MPND: variants seen among roughly 807,000 people sequenced by gnomAD.
MPND encodes MPN domain containing, also known as MPN domain-containing protein.
In MPND, 56 loss-of-function variants were observed where a neutral mutation model predicts 59.2. The observed-to-expected ratio is 0.95, with a 90% CI of 0.76 to 1.18. MPND has a LOEUF of 1.18. MPND is among the 50% of genes most tolerant of loss of function. MPND has a pLI of 0.00. For missense variants in MPND, 671 were observed against 676.0 expected (o/e 0.99, Z 0.08); for synonymous variants, 323 against 291.9 (o/e 1.11, Z -1.09).
In MPND at chr19:4,355,220, G is replaced by C. The variant is rs560027818; in HGVS notation, c.996+47G>C. ...GGCATTCTGGGGAGGGTTGGGAAGG[G>C]ACATAGCTGTCCTGGCGACTGCCCA... On this transcript the variant is annotated intron_variant, in intron 8 of 12. Coordinates refer to ENST00000599840, the MANE Select transcript of MPND (RefSeq NM_001300862.2). 3.1e-6 allele frequency: 5 copies of C among 1,596,480 alleles called. No individual in the cohort carries two copies. The South Asian group carries it at 3.3e-5, about 11-fold the overall frequency.
chr19:4,357,457 G>T, intron 9 of MPND, 36 bp downstream of exon 9: 1 of 1,609,788 alleles, frequency 6.2e-7, no homozygotes, highest in Non-Finnish European at 8.5e-7. Flanking sequence ...AGCAAGGAGG[G>T]GGGATGCTGG....
At chr19:4,347,521 G>A (rs1382744911) in intron 3 of MPND, among the ~76,000 whole-genome samples, 17 of 152,086 alleles carry the variant, frequency 1.1e-4, no homozygotes, top group Admixed American at 1.1e-3. Flanking sequence ...TTACAAGTGT[G>A]AGCCACCGCG....
chr19:4,357,001 C>T, intron 8 of MPND: 2 of 398,780 alleles, frequency 5.0e-6, no homozygotes, highest in Non-Finnish European at 4.4e-6. Flanking sequence ...AGCTGGGCTA[C>T]AGCAGTGAAC....
intron 3 of MPND, among the ~76,000 whole-genome samples, chr19:4,346,506 C>T (rs974971841): frequency 1.3e-5 from 2 of 152,010 alleles, no homozygotes; most frequent in South Asian, 4.1e-4. Flanking sequence ...CAGCCTTCAC[C>T]TCCTGGGTTC....
At chr19:4,357,453 G>A (rs776242975) in intron 9 of MPND, 32 bp downstream of exon 9, 6 of 1,609,762 alleles carry the variant, frequency 3.7e-6, no homozygotes, top group Non-Finnish European at 3.4e-6. Flanking sequence ...GGGGAGCAAG[G>A]AGGGGGGATG....
Position 4,354,961 on chromosome 19 carries a change from C to G in MPND, c.859C>G (p.His287Asp), listed in dbSNP as rs1972400520. 6.3e-7 allele frequency: 1 copy of G among 1,596,884 alleles called. No individual in the cohort carries two copies. The highest frequency in any genetic ancestry group is 8.6e-7 in the Non-Finnish European group (1 of 1,169,024). ...CTCCCTTCCCCAGGACTTCCACAGT[C>G]ACCTGACACGGAGTGAGGTCGTGGG... ...NVLFLLDFHSHLTRSEVVGYL... is the reference protein window; with the variant it reads ...NVLFLLDFHSDLTRSEVVGYL... Residue 287 changes from histidine to aspartate, a missense_variant, in exon 7 of 13, where the codon CAC becomes GAC. Physicochemically the swap from His to Asp is moderately conservative, Grantham distance 81 (BLOSUM62 -1). Coordinates refer to ENST00000599840, the MANE Select transcript of MPND (RefSeq NM_001300862.2).
chr19:4,354,626 G>A (rs1972394347), intron 6 of MPND: 1 of 601,824 alleles, frequency 1.7e-6, no homozygotes, highest in East Asian at 2.8e-5. Context: ...CAGCACTTTG[G>A]GAAGCTGAGG....
chr19:4,343,912 C>T lies in MPND; in HGVS notation c.212C>T (p.Thr71Ile). The T allele has an allele frequency of 7.8e-7, 1 of 1,284,548 alleles. No individual in the cohort carries two copies. Among genetic ancestry groups the T allele is most frequent in the Non-Finnish European group, 9.8e-7 (1 of 1,019,090 alleles). The allele number at this position is 1,284,548 out of a possible 1,614,324, so 79.6% of individuals were successfully genotyped here. The change falls in exon 2 of 13, where the codon ACC becomes ATC. Residue 71 changes from threonine (T) to isoleucine (I), a missense_variant. By Grantham distance (89) the Thr-to-Ile change is moderately conservative (BLOSUM62 -1). Transcript: ENST00000599840. Reference sequence around the variant, plus strand: ...TGCGGCGGGCCCGGGGGCGCGCTCACCAGGCGCGCGGTCACACTGCGGGTG... The same window carrying T: ...TGCGGCGGGCCCGGGGGCGCGCTCATCAGGCGCGCGGTCACACTGCGGGTG... ...GGCGGPGGAL[T>I]RRAVTLRVLL... is the part of the protein sequence containing the mutation.
At position 4,343,863 on chromosome 19, in the gene MPND, GGCGGCGGGGCCGGGGCGGGGGGCT is replaced by G. The variant is rs1275460478; in HGVS notation, c.172_195del (p.Ala58_Gly65del). On this transcript the variant is annotated inframe_deletion, in exon 2 of 13. Transcript: ENST00000599840. ...CAGTAGCGTCAGCGGAGGAGGCGGCGGCGGCGGGGCCGGGGCGGGGGGCTGCGGCGGGCCCGGGGGCGCGCTCAC... is the reference window on the plus strand; with the variant it reads ...CAGTAGCGTCAGCGGAGGAGGCGGCGGCGGCGGGCCCGGGGGCGCGCTCAC... 15 of 1,218,390 alleles carry G rather than the reference GGCGGCGGGGCCGGGGCGGGGGGCT, an allele frequency of 1.2e-5. No individual in the cohort carries two copies. Among genetic ancestry groups the G allele is most frequent in the Non-Finnish European group, 1.4e-5 (14 of 983,020 alleles). 75.5% of individuals were successfully genotyped at this position (1,218,390 alleles called of 1,614,324 possible). A position where few individuals can be genotyped will look rare whatever the true frequency, so the allele number is the denominator to read the frequency against.
At position 4,359,168 on chromosome 19, in the gene MPND, G is replaced by A. The variant is rs373511508; in HGVS notation, c.1332G>A (p.Leu444=). The A allele has an allele frequency of 6.2e-6, 10 of 1,612,462 alleles. No individual in the cohort carries two copies. The highest frequency in any genetic ancestry group is 8.5e-6 in the Non-Finnish European group (10 of 1,178,824). ...CATGCTCCTCTGTCCTGTAGATGCT[G>A]CTGGTGGAGTTCTACAAGGGTTCCC... ...LTNDILHEMM[L]LVEFYKGSPD... is the part of the protein sequence containing the mutation. The change falls in exon 12 of 13, where the codon CTG becomes CTA. Residue 444 remains leucine, a synonymous_variant. Coordinates refer to ENST00000599840, the MANE Select transcript of MPND (RefSeq NM_001300862.2).
Position 4,352,841 on chromosome 19 carries a change from C to CG in MPND, c.532-49dup, listed in dbSNP as rs67576371. On this transcript the variant is annotated intron_variant, in intron 3 of 12. Coordinates refer to ENST00000599840, the MANE Select transcript of MPND (RefSeq NM_001300862.2). ...GGCTGGGGTGGGATTTAGCAGGGAG[C>CG]GGGGGGGCACCCAGCTGAGGGTCCC... The CG allele has an allele frequency of 3.3e-3, 4,293 of 1,299,524 alleles. 15 individuals are homozygous for CG. Among genetic ancestry groups the CG allele is most frequent in the Admixed American group, 6.4e-3 (196 of 30,404 alleles). The allele number at this position is 1,299,524 out of a possible 1,614,324, so 80.5% of individuals were successfully genotyped here.
Position 4,343,573 on chromosome 19 carries a change from C to A in MPND, c.-21C>A. Reference sequence around the variant, plus strand: ...GCCGGGAAGCCGGAGTCTAGAGCTCCGGGCGCGGGGAGGCGCGGCCATGGC... The same window carrying A: ...GCCGGGAAGCCGGAGTCTAGAGCTCAGGGCGCGGGGAGGCGCGGCCATGGC... On this transcript the variant is annotated 5_prime_UTR_variant, in exon 1 of 13. Transcript: ENST00000599840. 8.2e-7 allele frequency: 1 copy of A among 1,221,630 alleles called. No individual in the cohort carries two copies. Among genetic ancestry groups the A allele is most frequent in the Non-Finnish European group, 1.0e-6 (1 of 981,436 alleles). 75.7% of individuals were successfully genotyped at this position (1,221,630 alleles called of 1,614,324 possible).
rs758591358 is a variant in MPND, at chr19:4,345,752, A to C, written c.302A>C (p.Lys101Thr). ...GVLSIYYLGK[K>T]FLGDLQPDGR... is the part of the protein sequence containing the mutation. Reference sequence around the variant, plus strand: ...AGCTGACTGTCACTGCAGGGGAAGAAGTTCCTGGGCGACCTGCAGCCAGAC... The same window carrying C: ...AGCTGACTGTCACTGCAGGGGAAGACGTTCCTGGGCGACCTGCAGCCAGAC... Residue 101 changes from lysine (K) to threonine (T), a missense_variant, in exon 3 of 13, where the codon AAG (lysine) becomes ACG (threonine). Transcript: ENST00000599840. The C allele has an allele frequency of 7.4e-6, 12 of 1,613,824 alleles. No homozygotes were observed. The highest frequency in any genetic ancestry group is 1.0e-5 in the Non-Finnish European group (12 of 1,179,898).
rs1182686985 is a variant in MPND at position 4,355,124 on chromosome 19, G to A, written c.947G>A (p.Cys316Tyr). 1 of 1,613,798 alleles carries A rather than the reference G, an allele frequency of 6.2e-7. No homozygotes were observed. Among genetic ancestry groups the A allele is most frequent in the Non-Finnish European group, 8.5e-7 (1 of 1,180,024 alleles). Reference protein sequence around the residue: ...QMLTVLRAFPCRSRLGDAETA... With the variant: ...QMLTVLRAFPYRSRLGDAETA... The stretch of plus-strand genomic sequence containing the variant: ...CTGACGGTGCTCAGAGCCTTCCCTT[G>A]TCGGAGCCGGCTCGGGGACGCAGAG... The change falls in exon 8 of 13, where the codon TGT (cysteine) becomes TAT (tyrosine). Residue 316 changes from cysteine (C) to tyrosine (Y), a missense_variant. By Grantham distance (194) the Cys-to-Tyr change is radical. Coordinates refer to ENST00000599840, the MANE Select transcript of MPND (RefSeq NM_001300862.2).
intron 3 of MPND, among the ~76,000 whole-genome samples, chr19:4,352,451 G>A (rs1972340652): frequency 1.3e-5 from 2 of 152,162 alleles, no homozygotes; most frequent in South Asian, 2.1e-4. Flanking sequence ...TTGGGAGGCC[G>A]AGGTGGGTGG....
At chr19:4,356,515 A>C (rs1427348400) in intron 8 of MPND, 1 of 152,292 alleles carries the variant, frequency 6.6e-6, no homozygotes, top group Non-Finnish European at 1.5e-5. Context: ...ACTGTGTTCC[A>C]GCCTGGGTGA....
intron 3 of MPND, among the ~76,000 whole-genome samples, chr19:4,346,691 G>A (rs536192561): frequency 6.6e-6 from 1 of 151,548 alleles, no homozygotes; most frequent in Admixed American, 6.6e-5. Flanking sequence ...TGTTGGGATT[G>A]CGGGCGTGAG....
rs1972129400 is a variant in MPND, at chr19:4,343,974, G to A, written c.274G>A (p.Val92Met). 4 of 1,382,502 alleles carry A rather than the reference G, an allele frequency of 2.9e-6. No individual in the cohort carries two copies. The highest frequency in any genetic ancestry group is 3.0e-5 in the East Asian group (1 of 33,118). 85.6% of individuals were successfully genotyped at this position (1,382,502 alleles called of 1,614,324 possible). A position where few individuals can be genotyped will look rare whatever the true frequency, so the allele number is the denominator to read the frequency against. ...CGCGCTGCTGGAGCCTGGCGCCGGG[G>A]TGCTGTCCATCTACTACCTGGTGAG... is the stretch of plus-strand genomic sequence containing the variant. ...KDALLEPGAG[V>M]LSIYYLGKKF... is the part of the protein sequence containing the mutation. The change falls in exon 2 of 13, where the codon GTG (valine) becomes ATG (methionine). Residue 92 changes from valine to methionine, a missense_variant. Physicochemically the swap from Val to Met is conservative, Grantham distance 21. Transcript: ENST00000599840.
chr19:4,356,026 G>C lies in MPND; in HGVS notation c.996+853G>C, dbSNP rs140545342. On this transcript the variant is annotated intron_variant, in intron 8 of 12. Transcript: ENST00000599840. Reference sequence around the variant, plus strand: ...GCGCCACCATCTCCAGCTAATTTTTGTATTTTTAGTTGAGACAGGGTTTCA... The same window carrying C: ...GCGCCACCATCTCCAGCTAATTTTTCTATTTTTAGTTGAGACAGGGTTTCA... Among the ~76,000 whole-genome samples, 577 of 151,526 alleles carry C rather than the reference G, an allele frequency of 3.8e-3. 3 individuals carry two copies. Among genetic ancestry groups the C allele is most frequent in the African/African-American group, 0.011 (444 of 41,306 alleles).
Sources: allele counts gnomAD v4.1 joint callset (sites outside exome capture counted in the v4.1 genomes callset), GRCh38; gene constraint gnomAD v4.1.1; transcripts MANE v1.5; gene names NCBI Gene and HGNC (gene_info 2026-07-23, HGNC 2026-07-21).